Variants in MALRD1 observed in about 807,000 individuals in gnomAD.
MALRD1 encodes the protein MAM and LDL receptor class A domain containing 1.
In MALRD1, 247 loss-of-function variants were observed where a neutral mutation model predicts 242.1. That is an observed-to-expected ratio of 1.02 (90% CI 0.92 to 1.13). The LOEUF (loss-of-function observed/expected upper bound fraction) is 1.13, where lower values mean the gene tolerates loss of function less well. Ranked by LOEUF, MALRD1 falls within the 50% of genes most tolerant of loss-of-function variation. MALRD1 has a pLI of 0.00. For missense variants in MALRD1, 2,989 were observed against 2,533.1 expected (o/e 1.18, Z -3.86); for synonymous variants, 995 against 866.6 (o/e 1.15, Z -2.60).
chr10:19,165,579 A>G, intron 12 of MALRD1, 58 bp from the exon 13 acceptor site: 1 of 1,194,594 alleles, frequency 8.4e-7, no homozygotes, highest in East Asian at 3.2e-5. Flanking sequence ...ATTATAGGAA[A>G]AACTACCAGA....
chr10:19,293,837 T>C (rs1010170591), intron 21 of MALRD1, among the ~76,000 whole-genome samples: 2 of 152,156 alleles, frequency 1.3e-5, no homozygotes, highest in Non-Finnish European at 2.9e-5. Context: ...AAATAATCTT[T>C]ACAACAAATC....
At chr10:19,342,137 A>G (rs1588940267) in intron 24 of MALRD1, among the ~76,000 whole-genome samples, 1 of 152,110 alleles carries the variant, frequency 6.6e-6, no homozygotes, top group Non-Finnish European at 1.5e-5. Context: ...TCGACGTTCC[A>G]TCTGAAACTT....
intron 2 of MALRD1, among the ~76,000 whole-genome samples, chr10:19,078,051 A>G (rs1835371521): frequency 6.6e-6 from 1 of 151,926 alleles, no homozygotes; most frequent in Admixed American, 6.6e-5. Flanking sequence ...AAAAGTTGCT[A>G]GCAAAAAAAA....
In MALRD1 at chr10:19,552,232, G is replaced by T. The variant is rs535842015; in HGVS notation, c.5479-15270G>T. On this transcript the variant is annotated intron_variant, in intron 32 of 39. Coordinates refer to ENST00000454679, the MANE Select transcript of MALRD1 (RefSeq NM_001142308.3). Reference sequence around the variant, plus strand: ...AATTAATCTGGTCCTAGGATTTTTTGGTTGGTAGGCTATTTATTACTGCTT... The same window carrying T: ...AATTAATCTGGTCCTAGGATTTTTTTGTTGGTAGGCTATTTATTACTGCTT... Among the ~76,000 whole-genome samples, 8 of 152,006 alleles carry T rather than the reference G, an allele frequency of 5.3e-5. No homozygotes were observed. In the East Asian group the frequency reaches 1.5e-3, roughly 29 times the overall value.
intron 14 of MALRD1, 83 bp from the exon 15 acceptor site, chr10:19,203,645 G>T (rs1345073542): frequency 3.0e-6 from 4 of 1,344,298 alleles, no homozygotes; most frequent in Non-Finnish European, 3.0e-6. Context: ...GCATAATAAG[G>T]TGAATTCTAT....
In MALRD1 at chr10:19,374,783, G is replaced by A. The variant is rs1845529788; in HGVS notation, c.4442-12745G>A. Among the ~76,000 whole-genome samples the A allele has an allele frequency of 2.0e-5, 3 of 152,162 alleles. No individual in the cohort carries two copies. The South Asian group carries it at 6.2e-4, about 32-fold the overall frequency. On this transcript the variant is annotated intron_variant, in intron 26 of 39. Transcript: ENST00000454679. ...ACTGGCCAACAGGTGCATGCCAGCT[G>A]TCCTTTAAGAAAAGTATCTGGAGAC... is the stretch of plus-strand genomic sequence containing the variant.
At chr10:19,053,739 A>G (rs751700154) in intron 1 of MALRD1, among the ~76,000 whole-genome samples, 9 of 152,268 alleles carry the variant, frequency 5.9e-5, no homozygotes, top group African/African-American at 1.4e-4. Flanking sequence ...GAAGTTTAAC[A>G]TAACAGTATT....
intron 22 of MALRD1, among the ~76,000 whole-genome samples, chr10:19,324,891 A>G (rs772319814): frequency 1.3e-5 from 2 of 148,624 alleles, no homozygotes; most frequent in African/African-American, 2.5e-5. Flanking sequence ...TATAAGCCCC[A>G]TTACTTTTGT....
chr10:19,175,978 C>T (rs1835214339), intron 14 of MALRD1, among the ~76,000 whole-genome samples: 1 of 152,074 alleles, frequency 6.6e-6, no homozygotes. Flanking sequence ...GGATCATGTA[C>T]ACATTGAAAG....
chr10:19,130,271 A>G (rs1833050621), intron 8 of MALRD1, among the ~76,000 whole-genome samples: 1 of 152,116 alleles, frequency 6.6e-6, no homozygotes, highest in South Asian at 2.1e-4. Flanking sequence ...AACTGTATCC[A>G]CGTATGTTCC....
At chr10:19,605,757 T>C (rs1564478756) in intron 34 of MALRD1, among the ~76,000 whole-genome samples, 1 of 152,130 alleles carries the variant, frequency 6.6e-6, no homozygotes, top group Non-Finnish European at 1.5e-5. Flanking sequence ...ATGCTTTGCC[T>C]ACTAAGTTTG....
chr10:19,708,056 T>TA lies in MALRD1; in HGVS notation c.6314+15512dup, dbSNP rs1270004540. 3.8e-4 allele frequency among the ~76,000 whole-genome samples: 42 copies of TA among 110,838 alleles called. 10 individuals are homozygous for TA. Among genetic ancestry groups the TA allele is most frequent in the African/African-American group, 4.7e-4 (17 of 35,828 alleles). The allele number at this position is 110,838 out of a possible 152,430, so 72.7% of individuals were successfully genotyped here. A position where few individuals can be genotyped will look rare whatever the true frequency, so the allele number is the denominator to read the frequency against. On this transcript the variant is annotated intron_variant, in intron 38 of 39. Transcript: ENST00000454679. ...TCATTTAATACAGAAAGTGAGAAAA[T>TA]AAAAAAAAAAGCAAGCATCAAAGAT...
chr10:19,567,131 A>G (rs1276049490), intron 32 of MALRD1, among the ~76,000 whole-genome samples: 2 of 152,212 alleles, frequency 1.3e-5, no homozygotes, highest in South Asian at 2.1e-4. Flanking sequence ...TTCATGTATC[A>G]TGAGGGTCCT....
At chr10:19,068,935 G>A (rs1835059738) in intron 2 of MALRD1, among the ~76,000 whole-genome samples, 1 of 152,026 alleles carries the variant, frequency 6.6e-6, no homozygotes, top group Non-Finnish European at 1.5e-5. Flanking sequence ...AGGGAAAGAA[G>A]GATTAAAATG....
chr10:19,189,209 G>A (rs568859453), intron 14 of MALRD1, among the ~76,000 whole-genome samples: 13 of 152,048 alleles, frequency 8.5e-5, no homozygotes, highest in African/African-American at 2.4e-4. Context: ...GATAACTTAA[G>A]TATAATAAAC....
At position 19,124,730 on chromosome 10, in the gene MALRD1, A is replaced by T. The variant is rs1455382770; in HGVS notation, c.943+60A>T. ...TTCAGAATTCTGCTTTATGGTGACT[A>T]GTTATAAGACATTACATAGGAGGCC... On this transcript the variant is annotated intron_variant, in intron 7 of 39. Transcript: ENST00000454679. 5 of 1,215,020 alleles carry T rather than the reference A, an allele frequency of 4.1e-6. No individual in the cohort carries two copies. The African/African-American group carries it at 7.8e-5, about 19-fold the overall frequency. 75.3% of individuals were successfully genotyped at this position (1,215,020 alleles called of 1,614,324 possible).
intron 24 of MALRD1, among the ~76,000 whole-genome samples, chr10:19,340,751 A>T (rs1176525023): frequency 1.3e-5 from 2 of 152,120 alleles, no homozygotes; most frequent in African/African-American, 2.4e-5. Flanking sequence ...TTCCCACTGG[A>T]TGAAATGTGC....
intron 21 of MALRD1, among the ~76,000 whole-genome samples, chr10:19,317,361 C>G (rs2132014663): frequency 6.6e-6 from 1 of 151,956 alleles, no homozygotes; most frequent in South Asian, 2.1e-4. Context: ...CCTAAAAACC[C>G]AACCACCTCC....
intron 26 of MALRD1, among the ~76,000 whole-genome samples, chr10:19,381,471 T>C (rs908721162): frequency 2.0e-5 from 3 of 152,022 alleles, no homozygotes. Context: ...TGTCTCTAAA[T>C]AGCTCTCCTT....
Sources: allele counts gnomAD v4.1 joint callset (sites outside exome capture counted in the v4.1 genomes callset), GRCh38; gene constraint gnomAD v4.1.1; transcripts MANE v1.5; gene names NCBI Gene and HGNC (gene_info 2026-07-23, HGNC 2026-07-21).